Variants in SPAG16 observed in about 807,000 individuals in gnomAD.
SPAG16 encodes sperm associated antigen 16.
Under a neutral mutation model 80.4 loss-of-function variants are expected in SPAG16, and 86 were observed. The ratio of observed to expected loss-of-function variants is 1.07; its 90% CI spans 0.90 to 1.28. The LOEUF (loss-of-function observed/expected upper bound fraction) is 1.28, where lower values mean the gene tolerates loss of function less well. SPAG16 is among the 50% of genes most tolerant of loss of function. SPAG16 has a pLI of 0.00. For synonymous variants in SPAG16, 294 were observed against 265.9 expected, an observed-to-expected ratio of 1.11 and a Z score of -1.03; for missense variants, 870 against 765.3, an observed-to-expected ratio of 1.14 and a Z score of -1.61.
At chr2:214,038,512 C>T (rs1198767193) in intron 13 of SPAG16, among the ~76,000 whole-genome samples, 1 of 152,084 alleles carries the variant, frequency 6.6e-6, no homozygotes, top group Non-Finnish European at 1.5e-5. Flanking sequence ...ATTTGTAATA[C>T]TGCTGAAATT....
At chr2:213,973,858 G>A (rs1260955844) in intron 12 of SPAG16, among the ~76,000 whole-genome samples, 1 of 151,986 alleles carries the variant, frequency 6.6e-6, no homozygotes, top group Non-Finnish European at 1.5e-5. Context: ...GTAAACCTGT[G>A]AATTATAAGA....
intron 15 of SPAG16, among the ~76,000 whole-genome samples, chr2:214,263,757 C>G (rs1363717570): frequency 6.6e-6 from 1 of 152,118 alleles, no homozygotes; most frequent in Non-Finnish European, 1.5e-5. Flanking sequence ...ATTTTTAACT[C>G]CTGTAATACA....
At chr2:213,936,251 GA>G (rs1236133749) in intron 12 of SPAG16, among the ~76,000 whole-genome samples, 1 of 152,170 alleles carries the variant, frequency 6.6e-6, no homozygotes, top group Non-Finnish European at 1.5e-5. Context: ...AAAGTGAGCA[GA>G]TGAGAGAATG....
In SPAG16 at chr2:213,690,685, A is replaced by G. The variant is rs370740890; in HGVS notation, c.1071-171800A>G. 9.2e-5 allele frequency among the ~76,000 whole-genome samples: 14 copies of G among 152,302 alleles called. No homozygotes were observed. In the East Asian group the frequency reaches 2.5e-3, roughly 27 times the overall value. ...AGAACAAAGCAGGCAGAAGAAGAGG[A>G]TAGGCAGCTTGTTGAGTCTTTTTGC... On this transcript the variant is annotated intron_variant, in intron 10 of 15. Coordinates refer to ENST00000331683, the MANE Select transcript of SPAG16 (RefSeq NM_024532.5).
chr2:213,712,529 G>A (rs2066045549), intron 10 of SPAG16, among the ~76,000 whole-genome samples: 1 of 152,118 alleles, frequency 6.6e-6, no homozygotes, highest in Non-Finnish European at 1.5e-5. Flanking sequence ...AATTATTCTG[G>A]CAGTATCACA....
intron 10 of SPAG16, among the ~76,000 whole-genome samples, chr2:213,614,835 T>A (rs16850566): frequency 0.038 from 5,725 of 152,326 alleles, 340 homozygotes; most frequent in African/African-American, 0.13. Flanking sequence ...TGGCTTGTGA[T>A]GTAAATATTG....
rs1261256654 is a variant in SPAG16, at chr2:214,108,195, G to A, written c.1528-1G>A. 3 of 1,570,790 alleles carry A rather than the reference G, an allele frequency of 1.9e-6. No homozygotes were observed. Among genetic ancestry groups the A allele is most frequent in the Non-Finnish European group, 2.6e-6 (3 of 1,150,128 alleles). On this transcript the variant is annotated splice_acceptor_variant, in intron 13 of 15. Coordinates refer to ENST00000331683, the MANE Select transcript of SPAG16 (RefSeq NM_024532.5). LOFTEE classifies it high-confidence loss of function. Reference sequence around the variant, plus strand: ...ACTCTGTTTCTGCTTTGTCTTCCTAGGGTATATGTGAGCAGTCACTTTATG... The same window carrying A: ...ACTCTGTTTCTGCTTTGTCTTCCTAAGGTATATGTGAGCAGTCACTTTATG...
chr2:213,767,195 A>G (rs1012992131), intron 10 of SPAG16, among the ~76,000 whole-genome samples: 8 of 152,222 alleles, frequency 5.3e-5, no homozygotes, highest in Admixed American at 2.0e-4. Flanking sequence ...TTTACCATCA[A>G]TGATTTAAGT....
intron 1 of SPAG16, among the ~76,000 whole-genome samples, chr2:213,295,426 A>C (rs1211630372): frequency 6.6e-6 from 1 of 152,084 alleles, no homozygotes; most frequent in East Asian, 1.9e-4. Flanking sequence ...GTATTTATGA[A>C]ATTTTGAATT....
chr2:214,085,389 AAAAAG>A (rs1201316843), intron 13 of SPAG16, among the ~76,000 whole-genome samples: 131 of 151,134 alleles, frequency 8.7e-4, no homozygotes, highest in African/African-American at 3.1e-3. Flanking sequence ...AAAAAAAAAA[AAAAAG>A]AAAGAAAGAA....
intron 15 of SPAG16, among the ~76,000 whole-genome samples, chr2:214,248,850 T>C: frequency 6.6e-6 from 1 of 152,166 alleles, no homozygotes; most frequent in East Asian, 1.9e-4. Context: ...CTCTCAGATA[T>C]AGTTAAATTT....
rs546693070 is a variant in SPAG16, at chr2:213,956,000, C to T, written c.1400+25855C>T. 2.0e-4 allele frequency among the ~76,000 whole-genome samples: 30 copies of T among 151,724 alleles called. No homozygotes were observed. The East Asian group carries it at 2.7e-3, about 14-fold the overall frequency. On this transcript the variant is annotated intron_variant, in intron 12 of 15. Transcript: ENST00000331683. ...TTATTTATTTTTTGAGATGGAGTTTCGCTCTTGTCTCCCAGGCAACAATCT... is the reference window on the plus strand; with the variant it reads ...TTATTTATTTTTTGAGATGGAGTTTTGCTCTTGTCTCCCAGGCAACAATCT...
intron 10 of SPAG16, among the ~76,000 whole-genome samples, chr2:213,665,555 C>A (rs1042069430): frequency 2.6e-5 from 4 of 152,084 alleles, no homozygotes; most frequent in African/African-American, 7.2e-5. Context: ...GTTTCATTAT[C>A]TGATAGTCAT....
intron 13 of SPAG16, among the ~76,000 whole-genome samples, chr2:214,071,679 T>G (rs919401638): frequency 6.6e-6 from 1 of 152,128 alleles, no homozygotes; most frequent in Admixed American, 6.6e-5. Flanking sequence ...TTTCCTATCC[T>G]CCTTCAATTT....
At chr2:213,724,082 G>A (rs895259719) in intron 10 of SPAG16, among the ~76,000 whole-genome samples, 5 of 152,194 alleles carry the variant, frequency 3.3e-5, no homozygotes, top group African/African-American at 7.2e-5. Flanking sequence ...GTGTAGGAGT[G>A]AAAACAGACA....
chr2:214,119,230 C>T (rs1409283556), intron 14 of SPAG16, among the ~76,000 whole-genome samples: 5 of 152,044 alleles, frequency 3.3e-5, no homozygotes, highest in African/African-American at 1.2e-4. Context: ...TTTTAATTCT[C>T]TTATGGTATT....
intron 8 of SPAG16, among the ~76,000 whole-genome samples, chr2:213,365,738 A>G (rs927933367): frequency 1.3e-5 from 2 of 151,962 alleles, no homozygotes; most frequent in African/African-American, 2.4e-5. Flanking sequence ...GATTACAGGC[A>G]TGAGCCACTG....
chr2:213,419,024 C>T (rs1474134814), intron 9 of SPAG16, among the ~76,000 whole-genome samples: 3 of 104,944 alleles, frequency 2.9e-5, no homozygotes, highest in Non-Finnish European at 7.8e-5. Context: ...TGCTATGCTA[C>T]AGGAGTAGTA....
chr2:214,034,915 G>A (rs1414702637), intron 13 of SPAG16, among the ~76,000 whole-genome samples: 1 of 152,190 alleles, frequency 6.6e-6, no homozygotes, highest in African/African-American at 2.4e-5. Context: ...CATTCGGCAG[G>A]TCCTGAGTTC....
Sources: gnomAD v4.1 joint callset for allele counts (sites outside exome capture counted in the v4.1 genomes callset) on GRCh38, gnomAD v4.1.1 for gene constraint, MANE v1.5 for transcripts, NCBI Gene and HGNC (gene_info 2026-07-23, HGNC 2026-07-21) for gene names.